The following LDLRAD3 variants were observed in gnomAD, a reference collection of about 807,000 sequenced individuals.
The protein encoded by LDLRAD3 is low-density lipoprotein receptor class A domain-containing protein 3.
Under a neutral mutation model 29.4 loss-of-function variants are expected in LDLRAD3, and 20 were observed. That is an observed-to-expected ratio of 0.68 (90% CI 0.48 to 0.99). The LOEUF (loss-of-function observed/expected upper bound fraction) is 0.99, where lower values mean the gene tolerates loss of function less well. Among genes scored for constraint, LDLRAD3 ranks in the 50% least tolerant of loss-of-function variants. The pLI is 0.00. For synonymous variants in LDLRAD3, 157 were observed against 192.7 expected (o/e 0.81, Z 1.53); for missense variants, 420 against 454.3 (o/e 0.92, Z 0.69).
At chr11:36,032,480 A>C (rs1852248037) in intron 1 of LDLRAD3, among the ~76,000 whole-genome samples, 1 of 152,228 alleles carries the variant, frequency 6.6e-6, no homozygotes, top group Non-Finnish European at 1.5e-5. Context: ...AGGACCTGGA[A>C]GGAGTGAGAA....
intron 4 of LDLRAD3, among the ~76,000 whole-genome samples, chr11:36,129,496 G>A (rs1169946542): frequency 6.6e-6 from 1 of 152,174 alleles, no homozygotes; most frequent in Non-Finnish European, 1.5e-5. Context: ...GAGGAGGTGA[G>A]CCAGTATCAA....
intron 1 of LDLRAD3, among the ~76,000 whole-genome samples, chr11:36,007,615 G>C (rs1851901234): frequency 6.6e-6 from 1 of 152,214 alleles, no homozygotes; most frequent in Non-Finnish European, 1.5e-5. Flanking sequence ...TCCTCAGCCA[G>C]CACTCTGGAA....
chr11:35,960,508 T>G (rs1851262846), intron 1 of LDLRAD3, among the ~76,000 whole-genome samples: 2 of 152,248 alleles, frequency 1.3e-5, no homozygotes, highest in Non-Finnish European at 2.9e-5. Flanking sequence ...GAGCATCTGT[T>G]TCTCCACTTT....
intron 1 of LDLRAD3, among the ~76,000 whole-genome samples, chr11:36,015,847 C>T (rs1437432590): frequency 5.9e-5 from 9 of 152,164 alleles, no homozygotes; most frequent in African/African-American, 1.7e-4. Flanking sequence ...AAAACCTTGG[C>T]GACCCGACCT....
rs867361000 is a variant in LDLRAD3 at position 36,128,210 on chromosome 11, T to A, written c.454+29749T>A. On this transcript the variant is annotated intron_variant, in intron 4 of 5. Coordinates refer to ENST00000315571, the MANE Select transcript of LDLRAD3 (RefSeq NM_174902.4). ...GAATTAATTCCCTGTTTGTTTGTAA[T>A]ACTGTGTGTAGGCAAACAATTAATC... Among the ~76,000 whole-genome samples, 884 of 150,302 alleles carry A rather than the reference T, an allele frequency of 5.9e-3. 9 individuals are homozygous for A. The highest frequency in any genetic ancestry group is 0.02 in the African/African-American group (804 of 41,126).
At chr11:36,186,821 C>T (rs982549450) in intron 4 of LDLRAD3, among the ~76,000 whole-genome samples, 7 of 152,158 alleles carry the variant, frequency 4.6e-5, no homozygotes, top group Non-Finnish European at 7.4e-5. Flanking sequence ...CTGTGGGTTA[C>T]GTGGGCATAT....
intron 4 of LDLRAD3, among the ~76,000 whole-genome samples, chr11:36,110,596 A>G (rs950860625): frequency 6.6e-6 from 1 of 151,980 alleles, no homozygotes; most frequent in Non-Finnish European, 1.5e-5. Flanking sequence ...CAGCTCCCCA[A>G]CCCCCAACAC....
chr11:36,209,469 C>T (rs1386812178), intron 4 of LDLRAD3, among the ~76,000 whole-genome samples: 3 of 146,684 alleles, frequency 2.0e-5, no homozygotes, highest in South Asian at 2.2e-4. Flanking sequence ...AAGCAATTCT[C>T]TTGCCTCAGC....
At chr11:35,946,320 T>G (rs147939780) in intron 1 of LDLRAD3, among the ~76,000 whole-genome samples, 68 of 152,210 alleles carry the variant, frequency 4.5e-4, no homozygotes, top group African/African-American at 1.6e-3. Flanking sequence ...CTCCATCTGA[T>G]AGTCTGTGAA....
intron 4 of LDLRAD3, among the ~76,000 whole-genome samples, chr11:36,118,714 C>T (rs184596150): frequency 1.4e-4 from 21 of 151,982 alleles, no homozygotes; most frequent in Admixed American, 1.3e-3. Context: ...TATTAATTCC[C>T]CCATTTAAAG....
intron 1 of LDLRAD3, chr11:36,010,220 G>T (rs1039107873): frequency 6.5e-6 from 1 of 154,456 alleles, no homozygotes; most frequent in Middle Eastern, 5.2e-4. Context: ...ATATAACTAG[G>T]ACAGTGGATC....
chr11:36,092,402 C>T (rs1853296628), intron 3 of LDLRAD3, among the ~76,000 whole-genome samples: 1 of 152,132 alleles, frequency 6.6e-6, no homozygotes, highest in Non-Finnish European at 1.5e-5. Context: ...ATTCAGCTGT[C>T]CATTACTCAA....
chr11:36,085,654 C>T (rs921083498), intron 3 of LDLRAD3, among the ~76,000 whole-genome samples: 3 of 152,038 alleles, frequency 2.0e-5, no homozygotes, highest in African/African-American at 7.2e-5. Context: ...CTCCATCACC[C>T]AGGCTAGAGT....
chr11:36,119,100 A>C (rs1344953684), intron 4 of LDLRAD3, among the ~76,000 whole-genome samples: 2 of 152,118 alleles, frequency 1.3e-5, no homozygotes, highest in African/African-American at 4.8e-5. Flanking sequence ...ATAGCTGATG[A>C]GCTAAAAATA....
Position 36,159,770 on chromosome 11 carries a change from A to C in LDLRAD3, c.454+61309A>C, listed in dbSNP as rs138108488. 1.8e-3 allele frequency among the ~76,000 whole-genome samples: 281 copies of C among 151,942 alleles called. 1 individual carries two copies. The highest frequency in any genetic ancestry group is 6.3e-3 in the African/African-American group (263 of 41,488). ...CCTGGCAACAGAGCGAGGCCCTCAA[A>C]AAAAAAGGAGAACTCAGGGGACAAG... On this transcript the variant is annotated intron_variant, in intron 4 of 5. Coordinates refer to ENST00000315571, the MANE Select transcript of LDLRAD3 (RefSeq NM_174902.4).
At chr11:36,078,718 G>T (rs1474172912) in intron 2 of LDLRAD3, among the ~76,000 whole-genome samples, 1 of 152,152 alleles carries the variant, frequency 6.6e-6, no homozygotes, top group Admixed American at 6.5e-5. Context: ...GTAGAGTGTG[G>T]CACTGCCCTG....
chr11:36,100,932 C>T (rs16928397), intron 4 of LDLRAD3, among the ~76,000 whole-genome samples: 35,504 of 152,070 alleles, frequency 0.23, 4,465 homozygotes, highest in East Asian at 0.35. Flanking sequence ...ATGGTGGGTC[C>T]CTCTGTAGGC....
intron 4 of LDLRAD3, among the ~76,000 whole-genome samples, chr11:36,224,241 T>C (rs895353490): frequency 7.2e-5 from 11 of 152,028 alleles, no homozygotes; most frequent in Admixed American, 4.6e-4. Flanking sequence ...GAGACACGGA[T>C]ACTGTTGTTT....
At chr11:35,987,894 A>C (rs1204985659) in intron 1 of LDLRAD3, among the ~76,000 whole-genome samples, 1 of 152,214 alleles carries the variant, frequency 6.6e-6, no homozygotes, top group East Asian at 1.9e-4. Flanking sequence ...ACTGTGTATA[A>C]GCGTTCCGTT....
Sources: allele counts gnomAD v4.1 joint callset (sites outside exome capture counted in the v4.1 genomes callset), GRCh38; gene constraint gnomAD v4.1.1; transcripts MANE v1.5; gene names NCBI Gene and HGNC (gene_info 2026-07-23, HGNC 2026-07-21).